The following ARHGAP39 variants were observed in gnomAD, a reference collection of about 807,000 sequenced individuals.
ARHGAP39 encodes Rho GTPase activating protein 39, also known as rho GTPase-activating protein 39.
Under a neutral mutation model 106.9 loss-of-function variants are expected in ARHGAP39, and 44 were observed. The observed-to-expected ratio is 0.41, with a 90% CI of 0.32 to 0.53. The LOEUF is 0.53. Among genes scored for constraint, ARHGAP39 ranks in the 20% least tolerant of loss-of-function variants. ARHGAP39 has a pLI of 0.21. For missense variants in ARHGAP39, 1,496 were observed against 1,577.3 expected (o/e 0.95, Z 0.87); for synonymous variants, 768 against 693.2 (o/e 1.11, Z -1.69).
At chr8:144,600,035 G>A (rs1248536505) in intron 2 of ARHGAP39, among the ~76,000 whole-genome samples, 1 of 152,274 alleles carries the variant, frequency 6.6e-6, no homozygotes, top group Non-Finnish European at 1.5e-5. Context: ...AGGCGTTTGT[G>A]CGCGTGGAGG....
intron 1 of ARHGAP39, among the ~76,000 whole-genome samples, chr8:144,652,791 G>A (rs1202929134): frequency 6.6e-6 from 1 of 152,144 alleles, no homozygotes; most frequent in East Asian, 1.9e-4. Flanking sequence ...AGGGAGAGGA[G>A]CATAAAGGAT....
intron 6 of ARHGAP39, 32 bp from the exon 7 acceptor site, chr8:144,537,845 G>T (rs779245621): frequency 1.3e-6 from 2 of 1,599,934 alleles, no homozygotes; most frequent in Non-Finnish European, 8.6e-7. Flanking sequence ...CAGCACGACA[G>T]AACAAAACGC....
At chr8:144,694,949 A>G in the ARHGAP39 span, among the ~76,000 whole-genome samples, 2 of 151,974 alleles carry the variant, frequency 1.3e-5, no homozygotes, top group Non-Finnish European at 2.9e-5. Context: ...TGCCAATGTC[A>G]TGAGTGAGAA....
intron 1 of ARHGAP39, among the ~76,000 whole-genome samples, chr8:144,669,554 T>C (rs1266677111): frequency 1.4e-4 from 19 of 140,074 alleles, no homozygotes; most frequent in Non-Finnish European, 2.9e-4. Flanking sequence ...CCTTATGTAC[T>C]GCAAAAAATA....
In ARHGAP39 at chr8:144,547,470, G is replaced by T; in HGVS notation, c.1616C>A (p.Ala539Glu). 1 of 1,549,278 alleles carries T rather than the reference G, an allele frequency of 6.5e-7. No individual in the cohort carries two copies. The highest frequency in any genetic ancestry group is 8.7e-7 in the Non-Finnish European group (1 of 1,153,028). Residue 539 changes from alanine to glutamate, a missense_variant, in exon 5 of 12, where the codon GCG (alanine) becomes GAG (glutamate). By Grantham distance (107) the Ala-to-Glu change is moderately radical. Coordinates refer to ENST00000377307, the MANE Select transcript of ARHGAP39 (RefSeq NM_025251.3). This position sits in a 1 kb window ranked among gnomAD's most constrained non-coding sequence, Gnocchi z 5.2. ...CGTSLAPVKR[A>E]EGEAEGARGA... ...CCGCGCCCCTTCGGCCTCACCTTCCGCTCGCTTCACGGGGGCGAGGCTGGT... is the reference window on the plus strand; with the variant it reads ...CCGCGCCCCTTCGGCCTCACCTTCCTCTCGCTTCACGGGGGCGAGGCTGGT...
rs1481723326 is a variant in ARHGAP39, at chr8:144,547,653, T to C, written c.1433A>G (p.Gln478Arg). Residue 478 changes from glutamine to arginine, a missense_variant, in exon 5 of 12, where the codon CAG becomes CGG. Gln to Arg is a conservative substitution (Grantham distance 43). Coordinates refer to ENST00000377307, the MANE Select transcript of ARHGAP39 (RefSeq NM_025251.3). The surrounding 1 kb of genome is among the most constrained non-coding windows in gnomAD (Gnocchi z 5.2). ...GCCTGTGGAGGACAGGGTGTCCTGCTGGCTGGACCAGGACATGGCATCCTC... is the reference window on the plus strand; with the variant it reads ...GCCTGTGGAGGACAGGGTGTCCTGCCGGCTGGACCAGGACATGGCATCCTC... ...AQEDAMSWSSQQDTLSSTGYS... is the reference protein window; with the variant it reads ...AQEDAMSWSSRQDTLSSTGYS... 2 of 1,545,706 alleles carry C rather than the reference T, an allele frequency of 1.3e-6. No individual in the cohort carries two copies. The highest frequency in any genetic ancestry group is 1.9e-5 in the Admixed American group (1 of 52,262).
chr8:144,603,077 G>A (rs1219624145), intron 2 of ARHGAP39, among the ~76,000 whole-genome samples: 30 of 144,306 alleles, frequency 2.1e-4, no homozygotes, highest in South Asian at 4.6e-4. Flanking sequence ...GTGTGCGTGC[G>A]TGGAGGTGTG....
At chr8:144,538,974 CCT>C (rs57772329) in intron 6 of ARHGAP39, among the ~76,000 whole-genome samples, 58,215 of 151,608 alleles carry the variant, frequency 0.38, 13,084 homozygotes, top group South Asian at 0.58. Flanking sequence ...TCCGCTGGCC[CCT>C]GTGTCCCTGT....
Position 144,548,095 on chromosome 8 carries a change from C to T in ARHGAP39, c.991G>A (p.Asp331Asn). 2 of 1,590,018 alleles carry T rather than the reference C, an allele frequency of 1.3e-6. No homozygotes were observed. The highest frequency in any genetic ancestry group is 1.7e-6 in the Non-Finnish European group (2 of 1,168,724). ...CCCCCGCCAGCCTCGAATTGCACGTCCATGGGGGGCTCATCGTAGATGGGG... is the reference window on the plus strand; with the variant it reads ...CCCCCGCCAGCCTCGAATTGCACGTTCATGGGGGGCTCATCGTAGATGGGG... Reference protein sequence around the residue: ...QAPIYDEPPMDVQFEAGGGYQ... With the variant: ...QAPIYDEPPMNVQFEAGGGYQ... Residue 331 changes from aspartate (D) to asparagine (N), a missense_variant, in exon 5 of 12, where the codon GAC becomes AAC. Physicochemically the swap from Asp to Asn is conservative, Grantham distance 23. This residue lies in a region of ARHGAP39 where 905 missense variants were observed against 816.4 expected (regional missense o/e 1.11). Coordinates refer to ENST00000377307, the MANE Select transcript of ARHGAP39 (RefSeq NM_025251.3). The surrounding 1 kb of genome is among the most constrained non-coding windows in gnomAD (Gnocchi z 7.4).
rs750888302 is a variant in ARHGAP39, at chr8:144,548,385, G to T, written c.701C>A (p.Pro234Gln). The change falls in exon 5 of 12, where the codon CCA becomes CAA. Residue 234 changes from proline to glutamine, a missense_variant. Pro to Gln is a moderately conservative substitution (Grantham distance 76). Transcript: ENST00000377307. The surrounding 1 kb of genome is among the most constrained non-coding windows in gnomAD (Gnocchi z 7.4). Reference sequence around the variant, plus strand: ...GGAGCGGACCCCAGGTGGGCCGTCTGGGGCGTAGCCATTGCCCTGGGCGGC... The same window carrying T: ...GGAGCGGACCCCAGGTGGGCCGTCTTGGGCGTAGCCATTGCCCTGGGCGGC... Reference protein sequence around the residue: ...FLAAQGNGYAPDGPPGVRSRR... With the variant: ...FLAAQGNGYAQDGPPGVRSRR... The T allele has an allele frequency of 3.1e-6, 5 of 1,610,134 alleles. No individual in the cohort carries two copies. In the South Asian group the frequency reaches 5.5e-5, roughly 18 times the overall value.
chr8:144,530,965 G>A (rs1213444680), intron 10 of ARHGAP39, 94 bp from the exon 11 acceptor site: 1 of 1,449,878 alleles, frequency 6.9e-7, no homozygotes, highest in Non-Finnish European at 9.2e-7. Flanking sequence ...GGGGTGCTGT[G>A]GGGGACAGGC....
chr8:144,647,219 A>G lies in ARHGAP39; in HGVS notation c.-82+38467T>C, dbSNP rs905425349. On this transcript the variant is annotated intron_variant, in intron 1 of 11. Transcript: ENST00000377307. The surrounding 1 kb of genome is among the most constrained non-coding windows in gnomAD (Gnocchi z 4.8). ...CTTGACCTCATGATCCGCGTGCCTC[A>G]GCCTCCCAAACTGCTGGGATTACAG... is the stretch of plus-strand genomic sequence containing the variant. 1.3e-5 allele frequency among the ~76,000 whole-genome samples: 2 copies of G among 152,050 alleles called. No individual in the cohort carries two copies. The highest frequency in any genetic ancestry group is 4.8e-5 in the African/African-American group (2 of 41,408).
chr8:144,605,806 C>T lies in ARHGAP39; in HGVS notation c.-81-111G>A, dbSNP rs566256370. The T allele has an allele frequency of 4.3e-4, 265 of 623,150 alleles. 1 individual carries two copies. The South Asian group carries it at 4.3e-3, about 10-fold the overall frequency. 38.6% of individuals were successfully genotyped at this position (623,150 alleles called of 1,614,324 possible). ...CTGGGCAGGATGACGATGGACTCCACGGCACCCGTGAGCCGCCCCCGGGCA... is the reference window on the plus strand; with the variant it reads ...CTGGGCAGGATGACGATGGACTCCATGGCACCCGTGAGCCGCCCCCGGGCA... On this transcript the variant is annotated intron_variant, in intron 1 of 11. Coordinates refer to ENST00000377307, the MANE Select transcript of ARHGAP39 (RefSeq NM_025251.3).
intron 1 of ARHGAP39, among the ~76,000 whole-genome samples, chr8:144,622,117 A>C (rs1563712936): frequency 6.6e-6 from 1 of 152,160 alleles, no homozygotes; most frequent in Non-Finnish European, 1.5e-5. Flanking sequence ...CACAAGACTG[A>C]GCCCCCCACG....
At chr8:144,541,598 CACGGAGGG>C (rs1455346775) in intron 6 of ARHGAP39, among the ~76,000 whole-genome samples, 1 of 152,144 alleles carries the variant, frequency 6.6e-6, no homozygotes, top group African/African-American at 2.4e-5. Context: ...TCTAGGGCCT[CACGGAGGG>C]AGAATCCTAC....
Position 144,545,585 on chromosome 8 carries a change from T to G in ARHGAP39, c.2185A>C (p.Lys729Gln). The change falls in exon 6 of 12, where the codon AAG becomes CAG. Residue 729 changes from lysine to glutamine, a missense_variant. Physicochemically the swap from Lys to Gln is moderately conservative, Grantham distance 53. Coordinates refer to ENST00000377307, the MANE Select transcript of ARHGAP39 (RefSeq NM_025251.3). Reference protein sequence around the residue: ...MLAWSSESIKKPMIVTSDRHV... With the variant: ...MLAWSSESIKQPMIVTSDRHV... Reference sequence around the variant, plus strand: ...CGGTCGCTTGTCACGATCATGGGCTTCTTGATGGACTCGCTGCTCCAGGCC... The same window carrying G: ...CGGTCGCTTGTCACGATCATGGGCTGCTTGATGGACTCGCTGCTCCAGGCC... 1 of 1,613,796 alleles carries G rather than the reference T, an allele frequency of 6.2e-7. No individual in the cohort carries two copies. Among genetic ancestry groups the G allele is most frequent in the Non-Finnish European group, 8.5e-7 (1 of 1,180,020 alleles).
At chr8:144,575,451 T>A (rs1375962837) in intron 3 of ARHGAP39, among the ~76,000 whole-genome samples, 1 of 152,208 alleles carries the variant, frequency 6.6e-6, no homozygotes, top group Non-Finnish European at 1.5e-5. Context: ...TAAGCTTTTT[T>A]AATTTAAAAT....
In ARHGAP39 at chr8:144,548,861, G is replaced by A. The variant is rs1817587927; in HGVS notation, c.597-372C>T. On this transcript the variant is annotated intron_variant, in intron 4 of 11. Transcript: ENST00000377307. The surrounding 1 kb of genome is among the most constrained non-coding windows in gnomAD (Gnocchi z 7.4). ...GCAGGCTCCTGGGCCCTGTGTTCCTGCTGAGCAGTGGCGTTGGACCCGTCC... is the reference window on the plus strand; with the variant it reads ...GCAGGCTCCTGGGCCCTGTGTTCCTACTGAGCAGTGGCGTTGGACCCGTCC... Among the ~76,000 whole-genome samples, 1 of 152,228 alleles carries A rather than the reference G, an allele frequency of 6.6e-6. No homozygotes were observed. Among genetic ancestry groups the A allele is most frequent in the South Asian group, 2.1e-4 (1 of 4,822 alleles).
rs1816803014 is a variant in ARHGAP39, at chr8:144,533,228, A to T, written c.2786T>A (p.Met929Lys). ...FGSALQEVMG[M>K]QRERYPERQL... is the part of the protein sequence containing the mutation. Reference sequence around the variant, plus strand: ...GCGCTCGGGGTAGCGCTCTCTCTGCATGCCCATGACCTCCTGCAGTGCGCT... The same window carrying T: ...GCGCTCGGGGTAGCGCTCTCTCTGCTTGCCCATGACCTCCTGCAGTGCGCT... Residue 929 changes from methionine (M) to lysine (K), a missense_variant, in exon 9 of 12, where the codon ATG (methionine) becomes AAG (lysine). Around this residue, in one of 4 missense-constraint regions of ARHGAP39, gnomAD observed 470 missense variants for 605.1 expected, o/e 0.78. Coordinates refer to ENST00000377307, the MANE Select transcript of ARHGAP39 (RefSeq NM_025251.3). 8 of 1,613,112 alleles carry T rather than the reference A, an allele frequency of 5.0e-6. No individual in the cohort carries two copies. The highest frequency in any genetic ancestry group is 6.8e-6 in the Non-Finnish European group (8 of 1,179,990).
Sources: gnomAD v4.1 joint callset for allele counts (sites outside exome capture counted in the v4.1 genomes callset) on GRCh38, gnomAD v4.1.1 for gene constraint, gnomAD v4.1.1 regional missense constraint, Gnocchi (gnomAD v3.1) non-coding constraint, MANE v1.5 for transcripts, NCBI Gene and HGNC (gene_info 2026-07-23, HGNC 2026-07-21) for gene names.